The following BACH1 variants were observed in gnomAD, a reference collection of about 807,000 sequenced individuals.
BACH1 encodes BTB domain and CNC homolog 1, also known as transcription regulator protein BACH1.
A neutral mutation model predicts 52.9 loss-of-function variants in BACH1; 35 were observed. The ratio of observed to expected loss-of-function variants is 0.66; its 90% CI spans 0.51 to 0.88. The LOEUF (loss-of-function observed/expected upper bound fraction) is 0.88, where lower values mean the gene tolerates loss of function less well. Among genes scored for constraint, BACH1 ranks in the 40% least tolerant of loss-of-function variants. BACH1 has a pLI of 0.00. For missense variants in BACH1, 808 were observed against 872.6 expected (o/e 0.93, Z 0.93); for synonymous variants, 321 against 319.6 (o/e 1.00, Z -0.05).
In BACH1 at chr21:29,344,590, CAGGG is replaced by C. The variant is rs1206313022; in HGVS notation, c.*1760_*1763del. On this transcript the variant is annotated 3_prime_UTR_variant, in exon 5 of 5. Coordinates refer to ENST00000286800, the MANE Select transcript of BACH1 (RefSeq NM_001186.4). ...TTTATAAGTACACTCAAGAATTTGT[CAGGG>C]AGAATAATTCTGATAGTGCATCCCA... is the stretch of plus-strand genomic sequence containing the variant. 1 of 151,962 alleles carries C rather than the reference CAGGG, an allele frequency of 6.6e-6. No homozygotes were observed. The highest frequency in any genetic ancestry group is 1.5e-5 in the Non-Finnish European group (1 of 67,960). The allele number at this position is 151,962 out of a possible 1,614,324, so 9.4% of individuals were successfully genotyped here.
At chr21:29,318,564 C>G (rs1166221940) in intron 1 of BACH1, among the ~76,000 whole-genome samples, 2 of 152,200 alleles carry the variant, frequency 1.3e-5, no homozygotes, top group African/African-American at 4.8e-5. Context: ...AATCTGTAAG[C>G]TAGCTCTCAA....
intron 2 of BACH1, among the ~76,000 whole-genome samples, chr21:29,355,510 C>T (rs1040341451): frequency 2.0e-5 from 3 of 152,172 alleles, no homozygotes; most frequent in Non-Finnish European, 2.9e-5. Context: ...GGGAATTGGG[C>T]GATGACTGCT....
At chr21:29,358,348 A>G (rs2089247374) in intron 2 of BACH1, among the ~76,000 whole-genome samples, 1 of 152,238 alleles carries the variant, frequency 6.6e-6, no homozygotes, top group Non-Finnish European at 1.5e-5. Flanking sequence ...ACAAAAGAGA[A>G]AACAGGAGCA....
At chr21:29,335,741 T>C (rs1205714062) in intron 4 of BACH1, among the ~76,000 whole-genome samples, 1 of 152,240 alleles carries the variant, frequency 6.6e-6, no homozygotes, top group Non-Finnish European at 1.5e-5. Flanking sequence ...TGTCAGTCTT[T>C]GCACCTCTAT....
rs1248800364 is a variant in BACH1, at chr21:29,321,446, A to G, written c.166A>G (p.Ser56Gly). ...TCACCGGTCCGTGCTGGCGGCATGC[A>G]GCAGTTACTTCCACTCAAGAATCGT... The part of the protein sequence containing the change: ...RAHRSVLAAC[S>G]SYFHSRIVGQ... The change falls in exon 2 of 5, where the codon AGC becomes GGC. Residue 56 changes from serine (S) to glycine (G), a missense_variant. By Grantham distance (56) the Ser-to-Gly change is moderately conservative (BLOSUM62 0). Transcript: ENST00000286800. 6.2e-7 allele frequency: 1 copy of G among 1,614,230 alleles called. No homozygotes were observed. Among genetic ancestry groups the G allele is most frequent in the Non-Finnish European group, 8.5e-7 (1 of 1,180,048 alleles).
intron 1 of BACH1, among the ~76,000 whole-genome samples, chr21:29,303,308 C>T (rs2088622765): frequency 6.6e-6 from 1 of 152,134 alleles, no homozygotes; most frequent in Non-Finnish European, 1.5e-5. Flanking sequence ...TTATTTTGAC[C>T]ATTCTTTCAG....
intron 1 of BACH1, among the ~76,000 whole-genome samples, chr21:29,319,837 CTGTG>C (rs1336663370): frequency 1.3e-5 from 2 of 151,532 alleles, no homozygotes; most frequent in African/African-American, 2.4e-5. Context: ...GGGCAGTGGT[CTGTG>C]TGTGGTGCCA....
chr21:29,311,615 G>A (rs1177646330), intron 1 of BACH1, among the ~76,000 whole-genome samples: 1 of 152,068 alleles, frequency 6.6e-6, no homozygotes, highest in Admixed American at 6.6e-5. Context: ...TGGTATTACT[G>A]TGGGTGATGA....
At chr21:29,332,777 C>T (rs1042954657) in intron 4 of BACH1, among the ~76,000 whole-genome samples, 1 of 152,208 alleles carries the variant, frequency 6.6e-6, no homozygotes, top group African/African-American at 2.4e-5. Flanking sequence ...GTTCTGAATT[C>T]CCAAGGAGAG....
At chr21:29,313,232 C>T (rs1341736159) in intron 1 of BACH1, among the ~76,000 whole-genome samples, 22 of 152,156 alleles carry the variant, frequency 1.4e-4, no homozygotes, top group Admixed American at 1.4e-3. Flanking sequence ...TTCATGCTAT[C>T]TGCCACCGCC....
chr21:29,329,546 C>T lies in BACH1; in HGVS notation c.1629C>T (p.Ser543=). ...CACTGTCTCGAAATGATTTTCAGTC[C>T]TTGTTGAAAATGCACAAGCTTACTC... ...IISLSRNDFQ[S]LLKMHKLTPE... The change falls in exon 4 of 5, where the codon TCC becomes TCT. Residue 543 remains serine, a synonymous_variant. Coordinates refer to ENST00000286800, the MANE Select transcript of BACH1 (RefSeq NM_001186.4). 1 of 1,602,110 alleles carries T rather than the reference C, an allele frequency of 6.2e-7. No homozygotes were observed. The highest frequency in any genetic ancestry group is 2.2e-5 in the East Asian group (1 of 44,650).
chr21:29,348,243 C>T (rs1377485642), downstream of BACH1, among the ~76,000 whole-genome samples: 3 of 152,172 alleles, frequency 2.0e-5, no homozygotes, highest in African/African-American at 7.2e-5. Context: ...GTTGTTCCTA[C>T]CGTGCTCCAG....
At chr21:29,310,279 GTTAT>G (rs1198729786) in intron 1 of BACH1, among the ~76,000 whole-genome samples, 1 of 152,098 alleles carries the variant, frequency 6.6e-6, no homozygotes, top group Non-Finnish European at 1.5e-5. Context: ...TTTGTTTATA[GTTAT>G]TTATTCCAAC....
downstream of BACH1, among the ~76,000 whole-genome samples, chr21:29,347,435 C>A (rs2089176098): frequency 6.6e-6 from 1 of 152,184 alleles, no homozygotes; most frequent in Admixed American, 6.5e-5. Context: ...ACATCAGGGC[C>A]AGGACAAAGT....
chr21:29,357,206 G>A (rs922263535), intron 2 of BACH1, among the ~76,000 whole-genome samples: 1 of 152,218 alleles, frequency 6.6e-6, no homozygotes, highest in Non-Finnish European at 1.5e-5. Flanking sequence ...CTAACGGGGC[G>A]CTGGTCCCTG....
At chr21:29,312,374 A>G (rs1219696019) in intron 1 of BACH1, among the ~76,000 whole-genome samples, 1 of 152,154 alleles carries the variant, frequency 6.6e-6, no homozygotes, top group African/African-American at 2.4e-5. Context: ...CTTTCCTTAT[A>G]TGGGAATGAG....
In BACH1 at chr21:29,324,141, A is replaced by G. The variant is rs556936650; in HGVS notation, c.235-1918A>G. Among the ~76,000 whole-genome samples, 44 of 150,936 alleles carry G rather than the reference A, an allele frequency of 2.9e-4. 1 individual carries two copies. Among genetic ancestry groups the G allele is most frequent in the African/African-American group, 1.0e-3 (41 of 40,976 alleles). On this transcript the variant is annotated intron_variant, in intron 2 of 4. Coordinates refer to ENST00000286800, the MANE Select transcript of BACH1 (RefSeq NM_001186.4). ...GTGGCGGGCACCTGTAATCCCAGCT[A>G]CTCGGGAGACTGAGGCAGGAGAATC... is the stretch of plus-strand genomic sequence containing the variant.
At chr21:29,302,399 A>G (rs1379975385) in intron 1 of BACH1, among the ~76,000 whole-genome samples, 1 of 152,204 alleles carries the variant, frequency 6.6e-6, no homozygotes, top group Non-Finnish European at 1.5e-5. Context: ...GCACTAACAT[A>G]ACTGAAGTCT....
intron 1 of BACH1, among the ~76,000 whole-genome samples, chr21:29,303,863 C>T (rs186856725): frequency 6.6e-6 from 1 of 152,052 alleles, no homozygotes; most frequent in Non-Finnish European, 1.5e-5. Flanking sequence ...CTGAAGCAAA[C>T]GTGAGGAAGA....
Sources: gnomAD v4.1 joint callset for allele counts (sites outside exome capture counted in the v4.1 genomes callset) on GRCh38, gnomAD v4.1.1 for gene constraint, MANE v1.5 for transcripts, NCBI Gene and HGNC (gene_info 2026-07-23, HGNC 2026-07-21) for gene names.